ZSCAN10: variants seen among roughly 807,000 people sequenced by gnomAD.
The protein encoded by ZSCAN10 is zinc finger and SCAN domain containing 10, also known as zinc finger and SCAN domain-containing protein 10.
ZSCAN10 carries 52 observed loss-of-function variants against 63.7 expected under a neutral mutation model. That is an observed-to-expected ratio of 0.82 (90% CI 0.65 to 1.03). The LOEUF is 1.03. ZSCAN10 is among the 50% of genes least tolerant of loss of function. The pLI, the probability that ZSCAN10 is intolerant of heterozygous loss-of-function variation, is 0.00. For synonymous variants in ZSCAN10, 544 were observed against 479.6 expected, an observed-to-expected ratio of 1.13 and a Z score of -1.76; for missense variants, 1,223 against 1,103.8, an observed-to-expected ratio of 1.11 and a Z score of -1.53.
intron 1 of ZSCAN10, among the ~76,000 whole-genome samples, chr16:3,098,743 G>T (rs1957186575): frequency 6.6e-6 from 1 of 152,230 alleles, no homozygotes; most frequent in Non-Finnish European, 1.5e-5. Flanking sequence ...GGAGCCCGGG[G>T]TGGAGGTGCT....
At chr16:3,095,967 CT>C (rs1291595649) in intron 1 of ZSCAN10, among the ~76,000 whole-genome samples, 19 of 152,148 alleles carry the variant, frequency 1.2e-4, no homozygotes, top group African/African-American at 4.6e-4. Flanking sequence ...CAACATTGCA[CT>C]CCAGCCTAGG....
Position 3,091,822 on chromosome 16 carries a change from TG to T in ZSCAN10, c.670del (p.Gln224ArgfsTer23), listed in dbSNP as rs2151215958. 1 of 1,572,304 alleles carries T rather than the reference TG, an allele frequency of 6.4e-7. No homozygotes were observed. The highest frequency in any genetic ancestry group is 8.6e-7 in the Non-Finnish European group (1 of 1,158,742). ...TFQALQESSPQGPSPWPEESS... is the reference protein window; with the variant it reads ...TFQALQESSPXGPSPWPEESS... Reference sequence around the variant, plus strand: ...CTCCTCTGGCCATGGTGAGGGGCCCTGGGGACCTGACGGCATTGGGGAAGAG... The same window carrying T: ...CTCCTCTGGCCATGGTGAGGGGCCCTGGGACCTGACGGCATTGGGGAAGAG... On this transcript the variant is annotated frameshift_variant, in exon 4 of 6. Transcript: ENST00000576985. LOFTEE classifies it high-confidence loss of function.
chr16:3,091,906 C>T, intron 3 of ZSCAN10, 78 bp from the exon 4 acceptor site: 6 of 1,595,018 alleles, frequency 3.8e-6, no homozygotes, highest in Non-Finnish European at 5.1e-6. Context: ...AGGACACACA[C>T]CGCATCATCC....
chr16:3,094,763 C>G (rs1957133515), intron 1 of ZSCAN10, among the ~76,000 whole-genome samples: 1 of 151,924 alleles, frequency 6.6e-6, no homozygotes, highest in African/African-American at 2.4e-5. Context: ...AAAGTAAGTG[C>G]CTGTAGGAGG....
At chr16:3,091,261 A>T (rs1407015265) in intron 5 of ZSCAN10, among the ~76,000 whole-genome samples, 1 of 151,876 alleles carries the variant, frequency 6.6e-6, no homozygotes, top group African/African-American at 2.4e-5. Context: ...GCAGTGAGCC[A>T]TGATTGTGCC....
rs1488184446 is a variant in ZSCAN10 at position 3,092,563 on chromosome 16, C to T, written c.375G>A (p.Glu125=). 2 of 1,552,884 alleles carry T rather than the reference C, an allele frequency of 1.3e-6. No individual in the cohort carries two copies. The highest frequency in any genetic ancestry group is 1.7e-6 in the Non-Finnish European group (2 of 1,151,264). ...TCACCAGCGGCCCCGCGTGGCTGGG[C>T]TCCCGGTGGATGCCCTCGAGCAGCA... ...VVLLLEGIHR[E]PSHAGPLDFS... The change falls in exon 2 of 6, where the codon GAG becomes GAA. Residue 125 remains glutamate, a synonymous_variant. Transcript: ENST00000576985.
chr16:3,095,069 T>C (rs1249579958), intron 1 of ZSCAN10, among the ~76,000 whole-genome samples: 1 of 152,158 alleles, frequency 6.6e-6, no homozygotes, highest in Non-Finnish European at 1.5e-5. Flanking sequence ...TCAAGTTCTC[T>C]GGATGTTTTC....
Position 3,090,471 on chromosome 16 carries a change from C to T in ZSCAN10, c.963G>A (p.Gly321=), listed in dbSNP as rs367758274. The T allele has an allele frequency of 2.9e-5, 47 of 1,613,662 alleles. 1 individual carries two copies. The African/African-American group carries it at 5.1e-4, about 17-fold the overall frequency. ...GAAASGPGED[G]SLLGSSEILE... ...AAATTTCACTGCTGCCAAGAAGGGA[C>T]CCATCTTCACCAGGGCCGCTAGCCG... The change falls in exon 6 of 6, where the codon GGG becomes GGA. Residue 321 remains glycine (G), a synonymous_variant. Transcript: ENST00000576985.
At chr16:3,096,914 A>G (rs1389025674) in intron 1 of ZSCAN10, among the ~76,000 whole-genome samples, 4 of 146,446 alleles carry the variant, frequency 2.7e-5, no homozygotes, top group East Asian at 2.0e-4. Context: ...GGGCGACAGA[A>G]TTAGACTCTG....
In ZSCAN10 at chr16:3,092,733, A is replaced by C; in HGVS notation, c.205T>G (p.Cys69Gly). The change falls in exon 2 of 6, where the codon TGC (cysteine) becomes GGC (glycine). Residue 69 changes from cysteine (C) to glycine (G), a missense_variant. Transcript: ENST00000576985. ...AGAGCCGGCCGCAGCCAGTGGCCGCAGAGCTCCCGGAGCCGGCTCAGGGAC... is the reference window on the plus strand; with the variant it reads ...AGAGCCGGCCGCAGCCAGTGGCCGCCGAGCTCCCGGAGCCGGCTCAGGGAC... Reference protein sequence around the residue: ...RASLSRLRELCGHWLRPALHT... With the variant: ...RASLSRLRELGGHWLRPALHT... 1 of 1,612,958 alleles carries C rather than the reference A, an allele frequency of 6.2e-7. No individual in the cohort carries two copies. Among genetic ancestry groups the C allele is most frequent in the Non-Finnish European group, 8.5e-7 (1 of 1,179,748 alleles).
In ZSCAN10 at chr16:3,090,167, G is replaced by A; in HGVS notation, c.1267C>T (p.Leu423=). The stretch of plus-strand genomic sequence containing the variant: ...GCGGGTTCGGAGGAGTGGGTCAGCA[G>A]GTGCTTGCTCAGGTGCGAGCTCTGG... ...FRQSSHLSKH[L]LTHSSEPAFL... is the part of the protein sequence containing the mutation. Residue 423 remains leucine, a synonymous_variant, in exon 6 of 6, where the codon CTG becomes TTG. Coordinates refer to ENST00000576985, the MANE Select transcript of ZSCAN10 (RefSeq NM_032805.3). 1 of 1,603,856 alleles carries A rather than the reference G, an allele frequency of 6.2e-7. No individual in the cohort carries two copies. The highest frequency in any genetic ancestry group is 8.5e-7 in the Non-Finnish European group (1 of 1,178,556).
Position 3,089,261 on chromosome 16 carries a change from C to A in ZSCAN10, c.2173G>T (p.Glu725Ter), listed in dbSNP as rs761379857. 1.9e-6 allele frequency: 3 copies of A among 1,573,140 alleles called. No homozygotes were observed. The highest frequency in any genetic ancestry group is 2.6e-6 in the Non-Finnish European group (3 of 1,167,416). The change falls in exon 6 of 6, where the codon GAG becomes TAG. Residue 725 changes from glutamate (E) to a stop codon, truncating the protein, a stop_gained. Transcript: ENST00000576985. LOFTEE classifies it high-confidence loss of function. ...AAGCTCTTCCCGCACTCCACGCACT[C>A]CTGCGGGGGCTCGGCCTGCTCCTGC... Reference protein sequence around the residue: ...PGQEQAEPPQECVECGKSFSR... With the variant: ...PGQEQAEPPQ
chr16:3,093,139 G>A lies in ZSCAN10; in HGVS notation c.-67-135C>T, dbSNP rs1268081277. 8.6e-6 allele frequency: 5 copies of A among 582,138 alleles called. No individual in the cohort carries two copies. In the East Asian group the frequency reaches 1.7e-4, roughly 20 times the overall value. 36.1% of individuals were successfully genotyped at this position (582,138 alleles called of 1,614,324 possible). A position where few individuals can be genotyped will look rare whatever the true frequency, so the allele number is the denominator to read the frequency against. ...TCTCACTGGGTAATGGCTCACGAGG[G>A]CAGGACAGCCCCCGGTCTCAGGGTT... On this transcript the variant is annotated intron_variant, in intron 1 of 5. Coordinates refer to ENST00000576985, the MANE Select transcript of ZSCAN10 (RefSeq NM_032805.3).
Position 3,092,124 on chromosome 16 carries a change from A to C in ZSCAN10, c.589T>G (p.Trp197Gly), listed in dbSNP as rs1282914413. The C allele has an allele frequency of 6.2e-7, 1 of 1,611,506 alleles. No individual in the cohort carries two copies. The change falls in exon 3 of 6, where the codon TGG (tryptophan) becomes GGG (glycine). Residue 197 changes from tryptophan to glycine, a missense_variant. By Grantham distance (184) the Trp-to-Gly change is radical. Transcript: ENST00000576985. ...RAAQPAEPGQ[W>G]RLPPSSKQPL... ...TGCTTTGAACTTGGGGGAAGCCTCCACTGTCCCGGCTCAGCAGGCTGGGCA... is the reference window on the plus strand; with the variant it reads ...TGCTTTGAACTTGGGGGAAGCCTCCCCTGTCCCGGCTCAGCAGGCTGGGCA...
At position 3,089,597 on chromosome 16, in the gene ZSCAN10, T is replaced by C. The variant is rs1354851707; in HGVS notation, c.1837A>G (p.Lys613Glu). Residue 613 changes from lysine (K) to glutamate (E), a missense_variant, in exon 6 of 6, where the codon AAG becomes GAG. By Grantham distance (56) the Lys-to-Glu change is moderately conservative (BLOSUM62 1). Transcript: ENST00000576985. Reference sequence around the variant, plus strand: ...AGATCCTGGGTCTGGCCGAAACTCTTCCCGCACTGGGTGCAGTGGTGGGGC... The same window carrying C: ...AGATCCTGGGTCTGGCCGAAACTCTCCCCGCACTGGGTGCAGTGGTGGGGC... ...PRPHHCTQCG[K>E]SFGQTQDLAR... is the part of the protein sequence containing the mutation. 1.3e-6 allele frequency: 2 copies of C among 1,586,796 alleles called. No individual in the cohort carries two copies. Among genetic ancestry groups the C allele is most frequent in the Non-Finnish European group, 1.7e-6 (2 of 1,167,244 alleles).
Position 3,089,523 on chromosome 16 carries a change from G to A in ZSCAN10, c.1911C>T (p.Ser637=). Residue 637 remains serine, a synonymous_variant, in exon 6 of 6, where the codon AGC becomes AGT. Coordinates refer to ENST00000576985, the MANE Select transcript of ZSCAN10 (RefSeq NM_032805.3). The part of the protein sequence containing the change: ...SHTGEKPCRC[S]ECGEGFSQSA... ...TCTGGCTGAAGCCCTCACCGCACTCGCTGCAGCGGCAGGGCTTCTCGCCCG... is the reference window on the plus strand; with the variant it reads ...TCTGGCTGAAGCCCTCACCGCACTCACTGCAGCGGCAGGGCTTCTCGCCCG... The A allele has an allele frequency of 1.2e-6, 2 of 1,600,844 alleles. No homozygotes were observed. Among genetic ancestry groups the A allele is most frequent in the Non-Finnish European group, 1.7e-6 (2 of 1,175,032 alleles).
Position 3,089,636 on chromosome 16 carries a change from G to T in ZSCAN10, c.1798C>A (p.His600Asn). Residue 600 changes from histidine (H) to asparagine (N), a missense_variant, in exon 6 of 6, where the codon CAC (histidine) becomes AAC (asparagine). His to Asn is a moderately conservative substitution (Grantham distance 68). Coordinates refer to ENST00000576985, the MANE Select transcript of ZSCAN10 (RefSeq NM_032805.3). ...CAGTGGTGGGGCCGAGGGCCACCGTGGGTCAGCAGGTGGCGGGCAAGGCTG... is the reference window on the plus strand; with the variant it reads ...CAGTGGTGGGGCCGAGGGCCACCGTTGGTCAGCAGGTGGCGGGCAAGGCTG... ...RASLARHLLT[H>N]GGPRPHHCTQ... 3 of 1,588,654 alleles carry T rather than the reference G, an allele frequency of 1.9e-6. No homozygotes were observed. The highest frequency in any genetic ancestry group is 2.3e-5 in the East Asian group (1 of 43,972).
intron 1 of ZSCAN10, among the ~76,000 whole-genome samples, chr16:3,097,368 C>G (rs1475057655): frequency 6.6e-6 from 1 of 152,150 alleles, no homozygotes; most frequent in Non-Finnish European, 1.5e-5. Flanking sequence ...CCCGGCTCCC[C>G]TGCATCTCCC....
intron 4 of ZSCAN10, 28 bp downstream of exon 4, chr16:3,091,736 G>C (rs1288590398): frequency 6.3e-7 from 1 of 1,580,356 alleles, no homozygotes. Context: ...TGGGGCTTGA[G>C]GACACCCTGG....
Sources: gnomAD v4.1 joint callset for allele counts (sites outside exome capture counted in the v4.1 genomes callset) on GRCh38, gnomAD v4.1.1 for gene constraint, MANE v1.5 for transcripts, NCBI Gene and HGNC (gene_info 2026-07-23, HGNC 2026-07-21) for gene names.